DMD: variants seen among roughly 807,000 people sequenced by gnomAD.
DMD encodes dystrophin.
Under a neutral mutation model 330.1 loss-of-function variants are expected in DMD, and 63 were observed. The ratio of observed to expected loss-of-function variants is 0.19; its 90% CI spans 0.16 to 0.24. DMD has a LOEUF of 0.24. Among genes scored for constraint, DMD ranks in the 10% least tolerant of loss-of-function variants. The pLI is 1.00. For synonymous variants in DMD, 1,223 were observed against 959.8 expected (o/e 1.27, Z -5.07); for missense variants, 3,344 against 2,684.1 (o/e 1.25, Z -5.43).
At chrX:31,265,795 G>A (rs769326447) in intron 62 of DMD, among the ~76,000 whole-genome samples, 1 of 70,754 alleles carries the variant, frequency 1.4e-5, no homozygotes, top group African/African-American at 5.4e-5. Context: ...GGGGGGGGGG[G>A]GGTGGGTGAC....
At chrX:32,248,277 A>G (rs2097249889) in intron 43 of DMD, among the ~76,000 whole-genome samples, 1 of 111,801 alleles carries the variant, frequency 8.9e-6, no homozygotes, top group African/African-American at 3.2e-5. Context: ...TCTTAAATTT[A>G]TCTCATATTT....
chrX:32,214,554 C>T (rs1201439581), intron 44 of DMD, among the ~76,000 whole-genome samples: 1 of 111,814 alleles, frequency 8.9e-6, no homozygotes, highest in East Asian at 2.8e-4. Flanking sequence ...AGAGCTCACA[C>T]GTGGCTAGTA....
chrX:32,775,156 G>A (rs1163177716), intron 7 of DMD, among the ~76,000 whole-genome samples: 1 of 112,698 alleles, frequency 8.9e-6, no homozygotes, highest in African/African-American at 3.2e-5. Flanking sequence ...CAAGGGGTGG[G>A]CTCCCATGAC....
chrX:33,248,187 A>G lies in DMD; in HGVS notation c.7+91072T>C, dbSNP rs375855789. ...CTCCCCAGTAGCTGCGACTACAGGC[A>G]CCCGCCACCACGCCTGACTAATTTT... On this transcript the variant is annotated intron_variant, in intron 1 of 17. Transcript: ENST00000288447. Among the ~76,000 whole-genome samples, 298 of 109,818 alleles carry G rather than the reference A, an allele frequency of 2.7e-3. 2 individuals carry two copies. The highest frequency in any genetic ancestry group is 9.4e-3 in the Middle Eastern group (2 of 213).
intron 44 of DMD, among the ~76,000 whole-genome samples, chrX:32,097,539 C>T (rs2096516578): frequency 9.0e-6 from 1 of 111,371 alleles, no homozygotes; most frequent in African/African-American, 3.3e-5. Flanking sequence ...ATAAAGATCA[C>T]TTTCTTATCC....
chrX:33,008,176 A>G, intron 2 of DMD, among the ~76,000 whole-genome samples: 1 of 111,702 alleles, frequency 9.0e-6, no homozygotes, highest in Non-Finnish European at 1.9e-5. Context: ...TGCATATAGA[A>G]CTGGCATAGT....
intron 7 of DMD, among the ~76,000 whole-genome samples, chrX:32,753,040 T>A (rs2071034493): frequency 9.0e-6 from 1 of 111,084 alleles, no homozygotes; most frequent in Non-Finnish European, 1.9e-5. Flanking sequence ...AAGCACTGAC[T>A]TCTCCCTGCT....
chrX:32,967,451 T>C (rs2092204879), intron 2 of DMD, among the ~76,000 whole-genome samples: 1 of 111,881 alleles, frequency 8.9e-6, no homozygotes, highest in Non-Finnish European at 1.9e-5. Context: ...GCAAATGAAA[T>C]AGACATGCCT....
At chrX:33,150,760 C>G (rs1030042119) in intron 1 of DMD, among the ~76,000 whole-genome samples, 2 of 109,567 alleles carry the variant, frequency 1.8e-5, no homozygotes, top group Non-Finnish European at 3.8e-5. Context: ...ATTTCATGCT[C>G]TTTTCCAGGC....
intron 2 of DMD, among the ~76,000 whole-genome samples, chrX:32,980,136 C>A (rs370009718): frequency 9.1e-5 from 10 of 109,867 alleles, no homozygotes; most frequent in Non-Finnish European, 1.7e-4. Flanking sequence ...GAGGCCGAGG[C>A]GGGCAGATCA....
chrX:33,141,457 T>C (rs1362412996), intron 1 of DMD, among the ~76,000 whole-genome samples: 1 of 111,505 alleles, frequency 9.0e-6, no homozygotes, highest in Non-Finnish European at 1.9e-5. Flanking sequence ...CCAATACATG[T>C]CTTGCTATGT....
At chrX:32,376,766 G>C (rs921192751) in intron 34 of DMD, among the ~76,000 whole-genome samples, 4 of 109,381 alleles carry the variant, frequency 3.7e-5, no homozygotes, top group African/African-American at 1.3e-4. Context: ...GGAAGGGCTT[G>C]ATTTGATATG....
rs1190844368 is a variant in DMD, at chrX:32,149,687, T to C, written c.6438+67229A>G. 8.0e-5 allele frequency among the ~76,000 whole-genome samples: 9 copies of C among 111,921 alleles called. No individual in the cohort carries two copies. The Admixed American group carries it at 8.6e-4, about 11-fold the overall frequency. On this transcript the variant is annotated intron_variant, in intron 44 of 78. Transcript: ENST00000357033. ...CCCAGAAAGATTTGGCTTGGTCTTA[T>C]ATTGGCCATCTACTAAGACAGTTTG...
chrX:31,905,702 AG>A (rs1453393485), intron 47 of DMD, among the ~76,000 whole-genome samples: 8 of 111,167 alleles, frequency 7.2e-5, no homozygotes, highest in Non-Finnish European at 1.3e-4. Context: ...TGAAAGTGTG[AG>A]GAAAAAGTAA....
intron 52 of DMD, among the ~76,000 whole-genome samples, chrX:31,680,751 T>C (rs1407268054): frequency 9.0e-6 from 1 of 111,497 alleles, no homozygotes; most frequent in Non-Finnish European, 1.9e-5. Flanking sequence ...AGGCTATCAC[T>C]GGTATCATTG....
chrX:31,515,900 G>T (rs2072142913), intron 55 of DMD, among the ~76,000 whole-genome samples: 1 of 112,276 alleles, frequency 8.9e-6, no homozygotes, highest in Non-Finnish European at 1.9e-5. Flanking sequence ...ATGACCAAAT[G>T]ACTGTTATTT....
intron 42 of DMD, among the ~76,000 whole-genome samples, chrX:32,298,915 G>A (rs1432845266): frequency 9.0e-6 from 1 of 111,271 alleles, no homozygotes; most frequent in East Asian, 2.8e-4. Flanking sequence ...CTAGAAGAAA[G>A]TACAGGGAAA....
chrX:33,167,155 A>C lies in DMD; in HGVS notation c.31+44127T>G, dbSNP rs995719186. ...TTTCTGTAGTAGGAAACAACGCTTG[A>C]ATAATTTCTGCTGAAGAACATTTAA... On this transcript the variant is annotated intron_variant, in intron 1 of 78. Transcript: ENST00000357033. 2.7e-5 allele frequency among the ~76,000 whole-genome samples: 3 copies of C among 111,762 alleles called. No individual in the cohort carries two copies. In the East Asian group the frequency reaches 8.4e-4, roughly 31 times the overall value.
chrX:31,649,874 A>G (rs1010771928), intron 54 of DMD, among the ~76,000 whole-genome samples: 1 of 111,444 alleles, frequency 9.0e-6, no homozygotes, highest in Non-Finnish European at 1.9e-5. Context: ...TACAAGGTAC[A>G]TTTCGCATAA....
Sources: allele counts gnomAD v4.1 joint callset (sites outside exome capture counted in the v4.1 genomes callset), GRCh38; gene constraint gnomAD v4.1.1; transcripts MANE v1.5; gene names NCBI Gene and HGNC (gene_info 2026-07-23, HGNC 2026-07-21).